Variants in NPAS3 observed in about 807,000 individuals in gnomAD.
NPAS3 encodes neuronal PAS domain-containing protein 3.
In NPAS3, 14 loss-of-function variants were observed where a neutral mutation model predicts 73.1. That is an observed-to-expected ratio of 0.19 (90% CI 0.13 to 0.30). The LOEUF (loss-of-function observed/expected upper bound fraction) is 0.30, where lower values mean the gene tolerates loss of function less well. Among genes scored for constraint, NPAS3 ranks in the 10% least tolerant of loss-of-function variants. The probability of loss-of-function intolerance (pLI) is 1.00; values close to 1 mark genes in which losing one functional copy is unlikely to be tolerated. For missense variants in NPAS3, 1,096 were observed against 1,250.0 expected (o/e 0.88, Z 1.86); for synonymous variants, 620 against 541.5 (o/e 1.14, Z -2.01).
chr14:33,112,803 T>C (rs2042939755), intron 2 of NPAS3, among the ~76,000 whole-genome samples: 1 of 152,238 alleles, frequency 6.6e-6, no homozygotes, highest in African/African-American at 2.4e-5. Flanking sequence ...GTTTTAGGGC[T>C]AACATGTTAA....
At chr14:33,667,914 TTTTTAA>T (rs2059500972) in intron 5 of NPAS3, among the ~76,000 whole-genome samples, 1 of 152,184 alleles carries the variant, frequency 6.6e-6, no homozygotes, top group Non-Finnish European at 1.5e-5. Context: ...CAAGATTTTT[TTTTTAA>T]TTTTAAGTTC....
intron 5 of NPAS3, among the ~76,000 whole-genome samples, chr14:33,561,910 A>G (rs776812459): frequency 6.6e-6 from 1 of 152,206 alleles, no homozygotes; most frequent in Non-Finnish European, 1.5e-5. Context: ...AGGCAACTGC[A>G]TTTTCTGTAA....
intron 4 of NPAS3, among the ~76,000 whole-genome samples, chr14:33,551,607 A>C (rs1192491224): frequency 6.6e-6 from 1 of 152,226 alleles, no homozygotes; most frequent in East Asian, 1.9e-4. Flanking sequence ...AAGGGGGAAA[A>C]AGCTAACATG....
At chr14:33,562,604 A>G (rs2055704109) in intron 5 of NPAS3, among the ~76,000 whole-genome samples, 1 of 152,190 alleles carries the variant, frequency 6.6e-6, no homozygotes, top group Admixed American at 6.5e-5. Flanking sequence ...ATACCAGTTT[A>G]TGTATTTAGA....
intron 3 of NPAS3, among the ~76,000 whole-genome samples, chr14:33,284,748 CTA>C (rs1332626209): frequency 2.1e-5 from 3 of 145,034 alleles, no homozygotes; most frequent in Non-Finnish European, 3.0e-5. Flanking sequence ...TATTTCATAT[CTA>C]TATATCTATA....
upstream of NPAS3, among the ~76,000 whole-genome samples, chr14:32,938,561 C>G (rs945500593): frequency 7.4e-6 from 1 of 135,602 alleles, no homozygotes; most frequent in Admixed American, 7.4e-5. Flanking sequence ...CGAGAGAGCG[C>G]TCTGGAGCAA....
chr14:33,708,374 TAAGA>T (rs142582330), intron 6 of NPAS3, among the ~76,000 whole-genome samples: 3,189 of 152,198 alleles, frequency 0.021, 100 homozygotes, highest in African/African-American at 0.073. Context: ...GGACTTTAGG[TAAGA>T]AAGAAAGAAA....
At chr14:33,158,727 A>G (rs1159347616) in intron 2 of NPAS3, among the ~76,000 whole-genome samples, 1 of 152,156 alleles carries the variant, frequency 6.6e-6, no homozygotes, top group Non-Finnish European at 1.5e-5. Context: ...AGGCCACGAG[A>G]TGGGGGTGCT....
intron 3 of NPAS3, among the ~76,000 whole-genome samples, chr14:33,307,979 C>G (rs1244443056): frequency 6.6e-6 from 1 of 152,124 alleles, no homozygotes; most frequent in Non-Finnish European, 1.5e-5. Context: ...GCTGTCTGCT[C>G]TGCGACTTGG....
At chr14:33,547,866 C>G (rs2054920217) in intron 4 of NPAS3, among the ~76,000 whole-genome samples, 1 of 152,124 alleles carries the variant, frequency 6.6e-6, no homozygotes, top group African/African-American at 2.4e-5. Flanking sequence ...ATTCATTCTT[C>G]TTAAATTATT....
intron 1 of NPAS3, among the ~76,000 whole-genome samples, chr14:33,000,263 T>C (rs768938364): frequency 2.0e-5 from 3 of 152,204 alleles, no homozygotes; most frequent in Non-Finnish European, 4.4e-5. Flanking sequence ...CCAAGTCTAG[T>C]AGAGACCTGT....
intron 4 of NPAS3, among the ~76,000 whole-genome samples, chr14:33,468,562 A>G (rs2050636348): frequency 6.6e-6 from 1 of 152,212 alleles, no homozygotes; most frequent in African/African-American, 2.4e-5. Flanking sequence ...TATTTTTTAA[A>G]TATTAATGAA....
chr14:33,113,256 G>T (rs2042954533), intron 2 of NPAS3, among the ~76,000 whole-genome samples: 1 of 152,190 alleles, frequency 6.6e-6, no homozygotes, highest in African/African-American at 2.4e-5. Context: ...AATTATCTTG[G>T]GTAGTATGGC....
intron 6 of NPAS3, among the ~76,000 whole-genome samples, chr14:33,700,044 C>G (rs1351720353): frequency 6.6e-6 from 1 of 152,068 alleles, no homozygotes; most frequent in African/African-American, 2.4e-5. Flanking sequence ...TAACTTGTTC[C>G]CTCTGGGGAA....
intron 3 of NPAS3, among the ~76,000 whole-genome samples, chr14:33,264,688 C>T (rs1233693854): frequency 2.0e-5 from 3 of 152,136 alleles, no homozygotes; most frequent in African/African-American, 7.2e-5. Context: ...CTTTTTTCTT[C>T]TCCTTCTAGC....
At chr14:33,007,738 A>G (rs1459886679) in intron 1 of NPAS3, among the ~76,000 whole-genome samples, 1 of 152,228 alleles carries the variant, frequency 6.6e-6, no homozygotes, top group Non-Finnish European at 1.5e-5. Flanking sequence ...TTGGTAAAGT[A>G]TTAATATTTT....
At chr14:33,421,097 A>G (rs1281173860) in intron 4 of NPAS3, among the ~76,000 whole-genome samples, 1 of 151,850 alleles carries the variant, frequency 6.6e-6, no homozygotes, top group Non-Finnish European at 1.5e-5. Flanking sequence ...CCTCTTTTAC[A>G]TTTGGTTCTT....
intron 6 of NPAS3, among the ~76,000 whole-genome samples, chr14:33,687,955 T>C (rs2060135127): frequency 1.3e-5 from 2 of 152,228 alleles, no homozygotes. Context: ...GGTAAATCTA[T>C]GTATCAGTTT....
At chr14:33,219,458 A>G (rs1206927350) in intron 3 of NPAS3, among the ~76,000 whole-genome samples, 5 of 152,218 alleles carry the variant, frequency 3.3e-5, no homozygotes, top group Non-Finnish European at 5.9e-5. Context: ...ACAGGTAACA[A>G]TGCTAAAATA....
Sources: allele counts gnomAD v4.1 joint callset (sites outside exome capture counted in the v4.1 genomes callset), GRCh38; gene constraint gnomAD v4.1.1; transcripts MANE v1.5; gene names NCBI Gene and HGNC (gene_info 2026-07-23, HGNC 2026-07-21).